The following SPMIP7 variants were observed in gnomAD, a reference collection of about 807,000 sequenced individuals.
SPMIP7 encodes the protein protein SPMIP7.
chr7:50,115,127 A>G, the SPMIP7 span, among the ~76,000 whole-genome samples: 1 of 152,162 alleles, frequency 6.6e-6, no homozygotes, highest in African/African-American at 2.4e-5. Context: ...GTGAAAATAT[A>G]TATCATTCAA....
At chr7:50,107,407 A>AG in the SPMIP7 span, among the ~76,000 whole-genome samples, 1 of 148,836 alleles carries the variant, frequency 6.7e-6, no homozygotes, top group Non-Finnish European at 1.5e-5. Flanking sequence ...AAAAAGAAAA[A>AG]AAAAAAAGAA....
At chr7:50,132,518 A>G in the SPMIP7 span, among the ~76,000 whole-genome samples, 2 of 152,174 alleles carry the variant, frequency 1.3e-5, no homozygotes, top group African/African-American at 4.8e-5. Flanking sequence ...AAGTATCCTT[A>G]GGGAAAAGTT....
the SPMIP7 span, chr7:50,120,200 A>C: frequency 6.6e-6 from 1 of 152,218 alleles, no homozygotes; most frequent in Non-Finnish European, 1.5e-5. Flanking sequence ...ACCAAAATTC[A>C]TACTAACCTT....
chr7:50,146,440 G>A, the SPMIP7 span, among the ~76,000 whole-genome samples: 1 of 152,110 alleles, frequency 6.6e-6, no homozygotes, highest in African/African-American at 2.4e-5. Context: ...CTCCTAAATG[G>A]AAGAATTGAA....
chr7:50,131,621 C>A, the SPMIP7 span, among the ~76,000 whole-genome samples: 1 of 152,056 alleles, frequency 6.6e-6, no homozygotes, highest in Non-Finnish European at 1.5e-5. Flanking sequence ...GAGAAGCCAG[C>A]AATCGAGACT....
the SPMIP7 span, among the ~76,000 whole-genome samples, chr7:50,114,942 G>A: frequency 0.84 from 126,623 of 151,102 alleles, 53,091 homozygotes; most frequent in East Asian, 0.93. Flanking sequence ...AGGCAGTAGA[G>A]ACACTTGAAC....
chr7:50,148,669 C>A, the SPMIP7 span, among the ~76,000 whole-genome samples: 2 of 152,104 alleles, frequency 1.3e-5, no homozygotes, highest in Non-Finnish European at 2.9e-5. Flanking sequence ...AACAAAATTC[C>A]AAAAAATCCT....
the SPMIP7 span, among the ~76,000 whole-genome samples, chr7:50,103,920 AT>A: frequency 1.3e-5 from 2 of 152,122 alleles, no homozygotes; most frequent in African/African-American, 2.4e-5. Flanking sequence ...TGTACTAAAT[AT>A]TTTTGAAGGC....
chr7:50,118,592 A>T, the SPMIP7 span, among the ~76,000 whole-genome samples: 1 of 152,224 alleles, frequency 6.6e-6, no homozygotes, highest in Non-Finnish European at 1.5e-5. Flanking sequence ...TTATTTAAAA[A>T]GTATTTCCTT....
At chr7:50,150,153 G>T in the SPMIP7 span, among the ~76,000 whole-genome samples, 124,109 of 152,128 alleles carry the variant, frequency 0.82, 50,643 homozygotes, top group East Asian at 0.92. Flanking sequence ...AAGGCTTTGT[G>T]TGGCTTACTG....
chr7:50,122,637 A>C, the SPMIP7 span, among the ~76,000 whole-genome samples: 1 of 138,840 alleles, frequency 7.2e-6, no homozygotes, highest in Non-Finnish European at 1.6e-5. Flanking sequence ...GCAACCTACA[A>C]AATGGGAGAA....
At chr7:50,137,495 G>C in the SPMIP7 span, among the ~76,000 whole-genome samples, 1 of 151,998 alleles carries the variant, frequency 6.6e-6, no homozygotes, top group Non-Finnish European at 1.5e-5. Flanking sequence ...ACATACCTAA[G>C]TGTAAAAATA....
the SPMIP7 span, among the ~76,000 whole-genome samples, chr7:50,119,183 C>A: frequency 6.6e-6 from 1 of 152,056 alleles, no homozygotes; most frequent in African/African-American, 2.4e-5. Context: ...ACCCACGCTG[C>A]AGTAAAATAT....
At chr7:50,097,167 C>A in the SPMIP7 span, among the ~76,000 whole-genome samples, 1 of 152,200 alleles carries the variant, frequency 6.6e-6, no homozygotes, top group Admixed American at 6.5e-5. Context: ...CTGACATCTG[C>A]ACCATGTGGT....
At chr7:50,131,627 A>G in the SPMIP7 span, among the ~76,000 whole-genome samples, 1 of 152,192 alleles carries the variant, frequency 6.6e-6, no homozygotes, top group African/African-American at 2.4e-5. Flanking sequence ...CCAGCAATCG[A>G]GACTGAAACG....
At chr7:50,148,286 T>A in the SPMIP7 span, among the ~76,000 whole-genome samples, 4 of 152,248 alleles carry the variant, frequency 2.6e-5, 1 homozygote, top group South Asian at 8.3e-4. Flanking sequence ...CATGAAATGT[T>A]ATTATTAAAT....
the SPMIP7 span, among the ~76,000 whole-genome samples, chr7:50,157,608 T>A: frequency 6.6e-6 from 1 of 152,200 alleles, no homozygotes; most frequent in Admixed American, 6.5e-5. Context: ...ATTTTAGATG[T>A]GGTCACTATA....
At chr7:50,134,104 A>T in the SPMIP7 span, 2 of 1,538,330 alleles carry the variant, frequency 1.3e-6, no homozygotes, top group Admixed American at 4.3e-5. Context: ...TAATAACTTC[A>T]TAGAGCTTAT....
the SPMIP7 span, chr7:50,117,402 A>C: frequency 5.1e-4 from 171 of 334,876 alleles, no homozygotes; most frequent in African/African-American, 3.6e-3. Flanking sequence ...CACGACCTTT[A>C]TTTGCAAGTC....
Sources: allele counts gnomAD v4.1 joint callset (sites outside exome capture counted in the v4.1 genomes callset), GRCh38; gene constraint gnomAD v4.1.1; transcripts MANE v1.5; gene names NCBI Gene and HGNC (gene_info 2026-07-23, HGNC 2026-07-21).